The following STK3 variants were observed in gnomAD, a reference collection of about 807,000 sequenced individuals.
STK3 encodes the protein serine/threonine kinase 3, also known as serine/threonine-protein kinase 3.
In STK3, 41 loss-of-function variants were observed where a neutral mutation model predicts 58.0. The ratio of observed to expected loss-of-function variants is 0.71; its 90% CI spans 0.55 to 0.92. The LOEUF (loss-of-function observed/expected upper bound fraction) is 0.92. Ranked by LOEUF, STK3 falls within the 40% of genes least tolerant of loss-of-function variation. The probability of loss-of-function intolerance (pLI) is 0.00; values close to 1 mark genes in which losing one functional copy is unlikely to be tolerated. For missense variants in STK3, 479 were observed against 602.7 expected (o/e 0.79, Z 2.15); for synonymous variants, 170 against 191.0 (o/e 0.89, Z 0.91).
chr8:98,656,228 C>G (rs570926202), intron 6 of STK3, among the ~76,000 whole-genome samples: 1 of 151,852 alleles, frequency 6.6e-6, no homozygotes, highest in African/African-American at 2.4e-5. Context: ...AGTAAACTAT[C>G]GCAAGGACAA....
the STK3 span, among the ~76,000 whole-genome samples, chr8:98,353,377 G>A: frequency 6.6e-6 from 1 of 152,200 alleles, no homozygotes; most frequent in African/African-American, 2.4e-5. Context: ...TGTGGTCCCA[G>A]CTACTTGGGA....
At chr8:98,604,079 CT>C (rs1390896389) in intron 6 of STK3, among the ~76,000 whole-genome samples, 1 of 152,044 alleles carries the variant, frequency 6.6e-6, no homozygotes, top group Non-Finnish European at 1.5e-5. Flanking sequence ...TTGAAGCAGT[CT>C]TCAAATAATG....
At chr8:98,742,156 G>A (rs1316329301) in intron 4 of STK3, among the ~76,000 whole-genome samples, 1 of 151,706 alleles carries the variant, frequency 6.6e-6, no homozygotes, top group Non-Finnish European at 1.5e-5. Context: ...AGAGGTACAA[G>A]GAGGAACTGG....
chr8:98,919,319 A>G (rs1417352838), intron 1 of STK3, among the ~76,000 whole-genome samples: 1 of 152,196 alleles, frequency 6.6e-6, no homozygotes, highest in Non-Finnish European at 1.5e-5. Context: ...TCACCTACCC[A>G]CAAATCAGTG....
the STK3 span, among the ~76,000 whole-genome samples, chr8:98,353,771 G>A: frequency 1.3e-5 from 2 of 152,154 alleles, no homozygotes; most frequent in Admixed American, 6.5e-5. Context: ...ACAAATATAG[G>A]TAGATGTAGT....
chr8:98,508,425 G>A (rs1414311464), intron 10 of STK3, among the ~76,000 whole-genome samples: 2 of 152,102 alleles, frequency 1.3e-5, no homozygotes, highest in African/African-American at 2.4e-5. Flanking sequence ...CAAATCCACA[G>A]AGACAAGAAG....
intron 1 of STK3, among the ~76,000 whole-genome samples, chr8:98,936,368 C>T (rs1040325531): frequency 2.0e-5 from 3 of 152,096 alleles, no homozygotes; most frequent in African/African-American, 7.2e-5. Flanking sequence ...ATCATAATTG[C>T]CTATTTACTT....
intron 1 of STK3, among the ~76,000 whole-genome samples, chr8:98,799,383 A>G (rs918765431): frequency 6.6e-6 from 1 of 152,046 alleles, no homozygotes; most frequent in Non-Finnish European, 1.5e-5. Context: ...ACAAAGTCAG[A>G]GAGACACAGG....
intron 8 of STK3, among the ~76,000 whole-genome samples, chr8:98,569,263 G>A (rs1025689508): frequency 1.3e-5 from 2 of 152,094 alleles, no homozygotes; most frequent in Non-Finnish European, 2.9e-5. Flanking sequence ...AACTGCTGCT[G>A]TCAGGAAGCT....
At chr8:98,735,427 GA>G (rs1828504509) in intron 4 of STK3, among the ~76,000 whole-genome samples, 1 of 152,082 alleles carries the variant, frequency 6.6e-6, no homozygotes, top group Non-Finnish European at 1.5e-5. Flanking sequence ...AAAATACTGT[GA>G]AAAAATCAGT....
At chr8:98,404,802 G>A (rs1817978009) in intron 3 of STK3, among the ~76,000 whole-genome samples, 1 of 152,068 alleles carries the variant, frequency 6.6e-6, no homozygotes, top group Non-Finnish European at 1.5e-5. Flanking sequence ...AATGAGCCAT[G>A]ATCGCACCAC....
At position 98,563,858 on chromosome 8, in the gene STK3, T is replaced by A. The variant is rs1020977751; in HGVS notation, c.949-15697A>T. ...AACCATGAGTCAATATTGATGCGAATGACTGAATAAATGGGGAGAAGAGAC... is the reference window on the plus strand; with the variant it reads ...AACCATGAGTCAATATTGATGCGAAAGACTGAATAAATGGGGAGAAGAGAC... On this transcript the variant is annotated intron_variant, in intron 8 of 10. Transcript: ENST00000419617. Among the ~76,000 whole-genome samples, 4 of 152,098 alleles carry A rather than the reference T, an allele frequency of 2.6e-5. No homozygotes were observed. In the South Asian group the frequency reaches 8.3e-4, roughly 32 times the overall value.
the STK3 span, among the ~76,000 whole-genome samples, chr8:98,354,093 C>T: frequency 2.0e-5 from 3 of 152,254 alleles, no homozygotes; most frequent in South Asian, 2.1e-4. Flanking sequence ...TGTCACCATT[C>T]ATTTATGGAA....
rs2131984818 is a variant in STK3 at position 98,912,561 on chromosome 8, C to A, written c.-78-28727G>T. ...GCTCTCTTCATAGGGATGGAACGTG[C>A]CCCACTAACAACACTATGCAGAGAA... On this transcript the variant is annotated intron_variant, in intron 1 of 1. Transcript: ENST00000519420. Among the ~76,000 whole-genome samples the A allele has an allele frequency of 1.3e-5, 2 of 152,244 alleles. 1 individual carries two copies. Among genetic ancestry groups the A allele is most frequent in the Admixed American group, 1.3e-4 (2 of 15,294 alleles).
At chr8:98,682,470 G>T (rs571591919) in intron 6 of STK3, among the ~76,000 whole-genome samples, 4 of 152,186 alleles carry the variant, frequency 2.6e-5, no homozygotes, top group Middle Eastern at 3.4e-3. Flanking sequence ...GTCACTTACC[G>T]AAATGCTTAC....
At chr8:98,535,319 A>G (rs1412482915) in intron 9 of STK3, among the ~76,000 whole-genome samples, 1 of 152,218 alleles carries the variant, frequency 6.6e-6, no homozygotes, top group Non-Finnish European at 1.5e-5. Flanking sequence ...AGAACAAAAC[A>G]AAAACAATAG....
chr8:98,362,053 ATGTCCCTCTGGGGAGGATTGTGCAAAAG>A, the STK3 span, among the ~76,000 whole-genome samples: 2 of 152,288 alleles, frequency 1.3e-5, no homozygotes, highest in South Asian at 2.1e-4. Flanking sequence ...CAGGTGGCAA[ATGTCCCTCTGGGGAGGATTGTGCAAAAG>A]TGTTCCTTCC....
At chr8:98,754,073 C>G (rs939050788) in intron 3 of STK3, among the ~76,000 whole-genome samples, 1 of 152,176 alleles carries the variant, frequency 6.6e-6, no homozygotes, top group Non-Finnish European at 1.5e-5. Flanking sequence ...TACCTTGTTA[C>G]CCGTATCTCT....
chr8:98,869,944 G>C (rs1418087530), intron 3 of STK3, among the ~76,000 whole-genome samples: 1 of 151,714 alleles, frequency 6.6e-6, no homozygotes, highest in Non-Finnish European at 1.5e-5. Flanking sequence ...TGCTGCACCC[G>C]TTAACTCGTC....
Sources: allele counts gnomAD v4.1 joint callset (sites outside exome capture counted in the v4.1 genomes callset), GRCh38; gene constraint gnomAD v4.1.1; transcripts MANE v1.5; gene names NCBI Gene and HGNC (gene_info 2026-07-23, HGNC 2026-07-21).